The following EHBP1 variants were observed in gnomAD, a reference collection of about 807,000 sequenced individuals.
EHBP1 encodes EH domain binding protein 1.
In EHBP1, 55 loss-of-function variants were observed where a neutral mutation model predicts 144.0. That is an observed-to-expected ratio of 0.38 (90% CI 0.31 to 0.48). The LOEUF is 0.48. EHBP1 is among the 20% of genes least tolerant of loss of function. EHBP1 has a pLI of 0.98. For synonymous variants in EHBP1, 469 were observed against 472.7 expected, an observed-to-expected ratio of 0.99 and a Z score of 0.10; for missense variants, 1,200 against 1,364.2, an observed-to-expected ratio of 0.88 and a Z score of 1.90.
At chr2:62,933,685 A>G (rs2056171902) in intron 10 of EHBP1, among the ~76,000 whole-genome samples, 1 of 152,224 alleles carries the variant, frequency 6.6e-6, no homozygotes, top group Non-Finnish European at 1.5e-5. Context: ...ATAAGAAAGA[A>G]GCATAAAAGT....
At chr2:62,748,285 T>C (rs1179085288) in intron 3 of EHBP1, among the ~76,000 whole-genome samples, 1 of 152,140 alleles carries the variant, frequency 6.6e-6, no homozygotes, top group African/African-American at 2.4e-5. Context: ...TAATTTCTTT[T>C]GGTACTGATA....
At chr2:62,831,603 T>C (rs187183709) in intron 7 of EHBP1, among the ~76,000 whole-genome samples, 18 of 152,338 alleles carry the variant, frequency 1.2e-4, no homozygotes, top group African/African-American at 4.3e-4. Flanking sequence ...ATCCTGGTAT[T>C]GAAGCTTCCA....
chr2:62,915,279 T>G (rs1220002745), intron 10 of EHBP1, among the ~76,000 whole-genome samples: 1 of 152,090 alleles, frequency 6.6e-6, no homozygotes, highest in Non-Finnish European at 1.5e-5. Flanking sequence ...ATTTTAAATG[T>G]ATACCAGAAG....
chr2:62,718,110 A>G (rs1366912036), intron 2 of EHBP1, among the ~76,000 whole-genome samples: 1 of 152,236 alleles, frequency 6.6e-6, no homozygotes, highest in Admixed American at 6.5e-5. Context: ...CAACTACAAA[A>G]GACTCAGAAC....
At chr2:63,025,199 A>G (rs570419118) in intron 19 of EHBP1, among the ~76,000 whole-genome samples, 6 of 152,312 alleles carry the variant, frequency 3.9e-5, no homozygotes, top group African/African-American at 1.4e-4. Context: ...GAAATACGTA[A>G]TTTGATTTGA....
At chr2:63,039,719 A>G (rs2061584034) in intron 21 of EHBP1, among the ~76,000 whole-genome samples, 1 of 152,178 alleles carries the variant, frequency 6.6e-6, no homozygotes. Context: ...GTGAAGCCTT[A>G]TATTCTTAAA....
chr2:63,015,694 T>C (rs1016470025), intron 19 of EHBP1, among the ~76,000 whole-genome samples: 1 of 152,142 alleles, frequency 6.6e-6, no homozygotes. Context: ...TCATACAGAT[T>C]ATAATGAGAA....
intron 5 of EHBP1, among the ~76,000 whole-genome samples, chr2:62,805,241 A>G (rs2044349861): frequency 6.6e-6 from 1 of 152,184 alleles, no homozygotes; most frequent in Non-Finnish European, 1.5e-5. Flanking sequence ...AATTATGTCC[A>G]TAAAATGGAA....
chr2:62,865,203 A>G (rs2049944325), intron 9 of EHBP1, among the ~76,000 whole-genome samples: 1 of 152,094 alleles, frequency 6.6e-6, no homozygotes. Context: ...TATTCCTAGA[A>G]TCTCTGGTTG....
In EHBP1 at chr2:62,747,423, A is replaced by G; in HGVS notation, c.133A>G (p.Thr45Ala). The G allele has an allele frequency of 6.2e-7, 1 of 1,609,980 alleles. No homozygotes were observed. The highest frequency in any genetic ancestry group is 8.5e-7 in the Non-Finnish European group (1 of 1,177,918). Residue 45 changes from threonine (T) to alanine (A), a missense_variant, in exon 3 of 23, where the codon ACC becomes GCC. By Grantham distance (58) the Thr-to-Ala change is moderately conservative. Around this residue, in one of 6 missense-constraint regions of EHBP1, gnomAD observed 137 missense variants for 190.1 expected, o/e 0.72. Transcript: ENST00000431489. Reference sequence around the variant, plus strand: ...ACCAGATAAACTGGTGGTAGTTTGGACCAGAAGAAGCCGAAGGAAGTCTTC... The same window carrying G: ...ACCAGATAAACTGGTGGTAGTTTGGGCCAGAAGAAGCCGAAGGAAGTCTTC... ...WQPDKLVVVW[T>A]RRSRRKSSKA... is the part of the protein sequence containing the mutation.
intron 10 of EHBP1, among the ~76,000 whole-genome samples, chr2:62,909,923 A>G (rs1419037307): frequency 6.6e-6 from 1 of 151,954 alleles, no homozygotes; most frequent in Non-Finnish European, 1.5e-5. Context: ...ACACCCAGCA[A>G]ATTTTTTTAA....
At chr2:62,729,860 T>A (rs955345021) in intron 2 of EHBP1, among the ~76,000 whole-genome samples, 2 of 151,626 alleles carry the variant, frequency 1.3e-5, no homozygotes, top group Admixed American at 1.3e-4. Flanking sequence ...AGTACCAAAT[T>A]TGTTGTCCTG....
chr2:62,957,363 C>T (rs949778028), intron 14 of EHBP1, among the ~76,000 whole-genome samples: 15 of 152,078 alleles, frequency 9.9e-5, no homozygotes, highest in East Asian at 7.7e-4. Flanking sequence ...TATTAATGTG[C>T]TAAAATGTAC....
intron 12 of EHBP1, among the ~76,000 whole-genome samples, chr2:62,945,399 A>G (rs1040500161): frequency 6.6e-6 from 1 of 152,238 alleles, no homozygotes; most frequent in Non-Finnish European, 1.5e-5. Flanking sequence ...TTTTTAACAT[A>G]CTTTAAATTA....
intron 10 of EHBP1, among the ~76,000 whole-genome samples, chr2:62,894,005 G>T (rs541679699): frequency 3.3e-5 from 5 of 150,626 alleles, no homozygotes; most frequent in African/African-American, 1.2e-4. Flanking sequence ...AAATTGTGCC[G>T]CTGCACTCCA....
chr2:62,914,114 T>TA (rs1003054388), intron 10 of EHBP1, among the ~76,000 whole-genome samples: 8 of 152,002 alleles, frequency 5.3e-5, no homozygotes, highest in Admixed American at 2.6e-4. Context: ...CACAGCATTT[T>TA]AAAAAAAATC....
chr2:62,970,539 A>G (rs971298826), intron 14 of EHBP1, among the ~76,000 whole-genome samples: 3 of 152,138 alleles, frequency 2.0e-5, no homozygotes, highest in African/African-American at 4.8e-5. Context: ...GTGTGTAGAC[A>G]TGTTTCTTAA....
chr2:62,917,899 T>A (rs2054766845), intron 10 of EHBP1, among the ~76,000 whole-genome samples: 1 of 151,760 alleles, frequency 6.6e-6, no homozygotes, highest in Non-Finnish European at 1.5e-5. Context: ...ATTGTGTTCC[T>A]TCTTTTTTTT....
chr2:62,853,923 G>T (rs908350139), intron 7 of EHBP1, among the ~76,000 whole-genome samples: 8 of 152,048 alleles, frequency 5.3e-5, no homozygotes, highest in Non-Finnish European at 1.2e-4. Context: ...CTCAACAATG[G>T]GCTTAAAATA....
Sources: gnomAD v4.1 joint callset for allele counts (sites outside exome capture counted in the v4.1 genomes callset) on GRCh38, gnomAD v4.1.1 for gene constraint, gnomAD v4.1.1 regional missense constraint, MANE v1.5 for transcripts, NCBI Gene and HGNC (gene_info 2026-07-23, HGNC 2026-07-21) for gene names.